RUVBL1: variants seen among roughly 807,000 people sequenced by gnomAD.
RUVBL1 encodes the protein ruvB-like 1.
In RUVBL1, 4 loss-of-function variants were observed where a neutral mutation model predicts 52.4. The observed-to-expected ratio is 0.08, with a 90% CI of 0.04 to 0.17. The LOEUF (loss-of-function observed/expected upper bound fraction) is 0.17. Among genes scored for constraint, RUVBL1 ranks in the 10% least tolerant of loss-of-function variants. The pLI is 1.00. For synonymous variants in RUVBL1, 217 were observed against 214.4 expected (o/e 1.01, Z -0.10); for missense variants, 298 against 572.8 (o/e 0.52, Z 4.90).
In RUVBL1 at chr3:128,151,344, C is replaced by T. The variant is rs560720840; in HGVS notation, c.-40+1859G>A. Among the ~76,000 whole-genome samples the T allele has an allele frequency of 2.0e-5, 3 of 149,710 alleles. No individual in the cohort carries two copies. The Admixed American group carries it at 2.0e-4, about 10-fold the overall frequency. Reference sequence around the variant, plus strand: ...CCTCCCAAAGTGCTGGGATTACAGGCATGAACCACCGTGCCCAGCCAAACC... The same window carrying T: ...CCTCCCAAAGTGCTGGGATTACAGGTATGAACCACCGTGCCCAGCCAAACC... On this transcript the variant is annotated intron_variant, in intron 1 of 9. Transcript: ENST00000464873.
chr3:128,149,969 C>A (rs1396321477), intron 1 of RUVBL1, among the ~76,000 whole-genome samples: 3 of 152,234 alleles, frequency 2.0e-5, no homozygotes, highest in African/African-American at 4.8e-5. Flanking sequence ...TTCTCTTCAG[C>A]CCCACCTCGC....
chr3:128,111,428 A>G (rs539119253), intron 3 of RUVBL1, among the ~76,000 whole-genome samples: 24 of 152,086 alleles, frequency 1.6e-4, no homozygotes, highest in Non-Finnish European at 3.2e-4. Flanking sequence ...AAATGGCCAA[A>G]CCTGGGAATT....
At chr3:128,102,894 C>T (rs1314925075) in intron 4 of RUVBL1, among the ~76,000 whole-genome samples, 2 of 152,198 alleles carry the variant, frequency 1.3e-5, no homozygotes, top group African/African-American at 4.8e-5. Context: ...TCTGCCTCTC[C>T]TTAGCTGGGT....
intron 2 of RUVBL1, among the ~76,000 whole-genome samples, chr3:128,118,605 GC>G (rs11305690): frequency 0.57 from 87,158 of 151,924 alleles, 27,715 homozygotes; most frequent in Non-Finnish European, 0.72. Flanking sequence ...CAAGTATCTG[GC>G]CAGTCCCCTC....
intron 6 of RUVBL1, 129 bp downstream of exon 6, chr3:128,100,466 T>G: frequency 9.1e-7 from 1 of 1,104,846 alleles, no homozygotes; most frequent in South Asian, 1.7e-5. Flanking sequence ...TGTTAATTGC[T>G]GAACATTACA....
At chr3:128,146,077 T>A (rs538923479) in intron 1 of RUVBL1, among the ~76,000 whole-genome samples, 3 of 152,222 alleles carry the variant, frequency 2.0e-5, no homozygotes, top group Admixed American at 1.3e-4. Flanking sequence ...GGGGCTGTAC[T>A]TTTAGAGAGG....
At chr3:128,134,119 G>C (rs1301371820) in intron 1 of RUVBL1, among the ~76,000 whole-genome samples, 1 of 152,030 alleles carries the variant, frequency 6.6e-6, no homozygotes, top group Non-Finnish European at 1.5e-5. Flanking sequence ...TACAAAGCAT[G>C]CATCAGTCCA....
chr3:128,098,091 G>C (rs567848989), intron 7 of RUVBL1, among the ~76,000 whole-genome samples: 1 of 152,270 alleles, frequency 6.6e-6, no homozygotes, highest in East Asian at 1.9e-4. Flanking sequence ...AGCTCCTAGA[G>C]GGATGAGTCT....
At position 128,119,436 on chromosome 3, in the gene RUVBL1, A is replaced by C. The variant is rs760229238; in HGVS notation, c.142-22T>G. On this transcript the variant is annotated intron_variant, in intron 1 of 10. Transcript: ENST00000322623. ...ATGCCTACACACCACAATGGAAAGA[A>C]ATAATAAATCAATATTAAAATGTTT... is the stretch of plus-strand genomic sequence containing the variant. 3 of 1,581,998 alleles carry C rather than the reference A, an allele frequency of 1.9e-6. No homozygotes were observed. In the South Asian group the frequency reaches 3.4e-5, roughly 18 times the overall value.
chr3:128,093,168 T>C (rs1017027196), intron 8 of RUVBL1, among the ~76,000 whole-genome samples: 25 of 152,318 alleles, frequency 1.6e-4, no homozygotes, highest in Non-Finnish European at 3.1e-4. Context: ...AGAATACTAT[T>C]CAGCTGGAAA....
chr3:128,130,614 A>T (rs865785479), intron 1 of RUVBL1, among the ~76,000 whole-genome samples: 2,035 of 105,360 alleles, frequency 0.019, 36 homozygotes, highest in South Asian at 0.043. Context: ...AAAAAAAAAA[A>T]TTTTATTTAT....
chr3:128,116,344 C>T (rs1240662737), intron 2 of RUVBL1, among the ~76,000 whole-genome samples: 1 of 151,800 alleles, frequency 6.6e-6, no homozygotes, highest in African/African-American at 2.4e-5. Context: ...AGTTCGAGAC[C>T]AGCCTGACCA....
chr3:128,102,921 G>C (rs1369750329), intron 4 of RUVBL1, among the ~76,000 whole-genome samples: 1 of 152,190 alleles, frequency 6.6e-6, no homozygotes, highest in African/African-American at 2.4e-5. Flanking sequence ...GGCAGACCCT[G>C]GCAGAACTGC....
At chr3:128,103,895 TTAA>T (rs542477645) in intron 4 of RUVBL1, among the ~76,000 whole-genome samples, 78 of 152,324 alleles carry the variant, frequency 5.1e-4, no homozygotes, top group South Asian at 1.5e-3. Context: ...ATAATATTTA[TTAA>T]TAATAATAAG....
In RUVBL1 at chr3:128,143,458, A is replaced by G. The variant is rs140036421; in HGVS notation, c.-40+9745T>C. Among the ~76,000 whole-genome samples, 154 of 152,378 alleles carry G rather than the reference A, an allele frequency of 1.0e-3. 1 individual carries two copies. Among genetic ancestry groups the G allele is most frequent in the African/African-American group, 3.5e-3 (147 of 41,582 alleles). ...AGTGCTGGGATTACAGGCGTGAGCC[A>G]CAGTGCCCCGCCAAGACCCTCATCT... On this transcript the variant is annotated intron_variant, in intron 1 of 9. Coordinates refer to the RUVBL1 transcript ENST00000464873.
intron 1 of RUVBL1, among the ~76,000 whole-genome samples, chr3:128,141,239 C>G (rs528537457): frequency 1.8e-4 from 28 of 152,356 alleles, no homozygotes; most frequent in African/African-American, 6.5e-4. Context: ...CAAGGTTCGT[C>G]TGGGAACAGA....
At position 128,067,816 on chromosome 3, in the gene RUVBL1, T is replaced by C; in HGVS notation, c.940-2596A>G. Reference sequence around the variant, plus strand: ...TGGGTATGAGAATCTGAATCCACACTGTAAAGTTAGACTTTTTCATATGAC... The same window carrying C: ...TGGGTATGAGAATCTGAATCCACACCGTAAAGTTAGACTTTTTCATATGAC... On this transcript the variant is annotated intron_variant, in intron 9 of 9. Coordinates refer to the RUVBL1 transcript ENST00000464873. This position sits in a 1 kb window ranked among gnomAD's most constrained non-coding sequence, Gnocchi z 4.1. 1 of 696,732 alleles carries C rather than the reference T, an allele frequency of 1.4e-6. No individual in the cohort carries two copies. The highest frequency in any genetic ancestry group is 2.5e-6 in the Non-Finnish European group (1 of 403,310). The allele number at this position is 696,732 out of a possible 1,614,324, so 43.2% of individuals were successfully genotyped here. A position where few individuals can be genotyped will look rare whatever the true frequency, so the allele number is the denominator to read the frequency against.
chr3:128,120,782 A>C (rs1330564029), intron 1 of RUVBL1, among the ~76,000 whole-genome samples: 1 of 151,962 alleles, frequency 6.6e-6, no homozygotes, highest in Non-Finnish European at 1.5e-5. Context: ...CACCATGCCT[A>C]GCTAATTTCT....
intron 3 of RUVBL1, among the ~76,000 whole-genome samples, chr3:128,109,751 C>T (rs1340823174): frequency 6.6e-6 from 1 of 150,424 alleles, no homozygotes; most frequent in Admixed American, 6.7e-5. Flanking sequence ...GCCTTTGCCT[C>T]CTAAAGTGCT....
Sources: allele counts gnomAD v4.1 joint callset (sites outside exome capture counted in the v4.1 genomes callset), GRCh38; gene constraint gnomAD v4.1.1; non-coding constraint Gnocchi (gnomAD v3.1); transcripts MANE v1.5; gene names NCBI Gene and HGNC (gene_info 2026-07-23, HGNC 2026-07-21).